Variants in KDM7A observed in about 807,000 individuals in gnomAD.
KDM7A encodes lysine demethylase 7A.
In KDM7A, 28 loss-of-function variants were observed where a neutral mutation model predicts 114.8. That is an observed-to-expected ratio of 0.24 (90% confidence interval 0.18 to 0.33). KDM7A has a LOEUF of 0.33. Ranked by LOEUF, KDM7A falls within the 10% of genes least tolerant of loss-of-function variation. The pLI is 1.00. For synonymous variants in KDM7A, 423 were observed against 397.8 expected (o/e 1.06, Z -0.75); for missense variants, 942 against 1,142.5 (o/e 0.82, Z 2.53).
intron 1 of KDM7A, among the ~76,000 whole-genome samples, chr7:140,142,079 C>CATATA (rs1794289464): frequency 6.8e-6 from 1 of 146,616 alleles, no homozygotes; most frequent in Admixed American, 6.8e-5. Context: ...ATTTATATAT[C>CATATA]TTTTTAAAGG....
In KDM7A at chr7:140,127,600, C is replaced by T; in HGVS notation, c.560-17G>A. 2 of 1,610,570 alleles carry T rather than the reference C, an allele frequency of 1.2e-6. No homozygotes were observed. Among genetic ancestry groups the T allele is most frequent in the African/African-American group, 1.3e-5 (1 of 74,922 alleles). ...TGTCACCACCTGCAGAGAAAAATTA[C>T]AGTCTTATTATTGGACTTAAGAGTT... On this transcript the variant is annotated splice_polypyrimidine_tract_variant and intron_variant, in intron 4 of 19. Transcript: ENST00000397560.
intron 1 of KDM7A, among the ~76,000 whole-genome samples, chr7:140,175,627 G>C (rs577447639): frequency 1.2e-3 from 189 of 152,348 alleles, no homozygotes; most frequent in African/African-American, 4.3e-3. Flanking sequence ...GAGTCAAGAG[G>C]CTGTGGCGCC....
chr7:140,170,244 T>C (rs1039269166), intron 1 of KDM7A, among the ~76,000 whole-genome samples: 3 of 151,096 alleles, frequency 2.0e-5, no homozygotes, highest in Non-Finnish European at 4.4e-5. Context: ...AAATATTTTA[T>C]ACATAATGTG....
intron 1 of KDM7A, among the ~76,000 whole-genome samples, chr7:140,155,696 T>C (rs2116842056): frequency 6.6e-6 from 1 of 152,222 alleles, no homozygotes; most frequent in Admixed American, 6.5e-5. Flanking sequence ...TAAAACACCA[T>C]CGATAAATGG....
Position 140,091,861 on chromosome 7 carries a change from G to A in KDM7A, c.2674C>T (p.His892Tyr). The A allele has an allele frequency of 1.2e-6, 2 of 1,613,906 alleles. No homozygotes were observed. The highest frequency in any genetic ancestry group is 3.3e-5 in the Admixed American group (2 of 60,008). Residue 892 changes from histidine to tyrosine, a missense_variant, in exon 19 of 20, where the codon CAC becomes TAC. His to Tyr is a moderately conservative substitution (Grantham distance 83). Transcript: ENST00000397560. Reference sequence around the variant, plus strand: ...TTTGATGCCGGTCTCTTGGTGGGGTGAAGGGGCACCGAGAAGGAAGTTTCA... The same window carrying A: ...TTTGATGCCGGTCTCTTGGTGGGGTAAAGGGGCACCGAGAAGGAAGTTTCA... ...VGETSFSVPLHPTKRPASNPP... is the reference protein window; with the variant it reads ...VGETSFSVPLYPTKRPASNPP...
In KDM7A at chr7:140,096,802, T is replaced by C. The variant is rs1818121182; in HGVS notation, c.2166-39A>G. On this transcript the variant is annotated intron_variant, in intron 16 of 19. Coordinates refer to ENST00000397560, the MANE Select transcript of KDM7A (RefSeq NM_030647.2). ...GATCCAAAAACACAAGAGTCTATTT[T>C]TTCTGATGACATTTTTGGTAAAATT... 5 of 1,597,534 alleles carry C rather than the reference T, an allele frequency of 3.1e-6. No individual in the cohort carries two copies. In the East Asian group the frequency reaches 8.9e-5, roughly 29 times the overall value.
intron 1 of KDM7A, among the ~76,000 whole-genome samples, chr7:140,139,547 C>T (rs1295266910): frequency 6.6e-6 from 1 of 151,594 alleles, no homozygotes; most frequent in African/African-American, 2.4e-5. Flanking sequence ...AATGATAATA[C>T]AATATGACAA....
rs1794708673 is a variant in KDM7A at position 140,176,401 on chromosome 7, C to CCCGGCCGGCGCT, written c.194+331_194+342dup. Among the ~76,000 whole-genome samples the CCCGGCCGGCGCT allele has an allele frequency of 7.0e-6, 1 of 143,332 alleles. No homozygotes were observed. Among genetic ancestry groups the CCCGGCCGGCGCT allele is most frequent in the African/African-American group, 2.5e-5 (1 of 40,020 alleles). 94.0% of individuals were successfully genotyped at this position (143,332 alleles called of 152,430 possible). A position where few individuals can be genotyped will look rare whatever the true frequency, so the allele number is the denominator to read the frequency against. On this transcript the variant is annotated intron_variant, in intron 1 of 19. Coordinates refer to ENST00000397560, the MANE Select transcript of KDM7A (RefSeq NM_030647.2). The surrounding 1 kb of genome is among the most constrained non-coding windows in gnomAD (Gnocchi z 4.4). ...GCCCGGGCTGGCGAGGGGCTGCGGA[C>CCCGGCCGGCGCT]CCGGCCGGCGCTCCGCCCGACGCCC...
chr7:140,157,706 G>GT (rs1794473080), intron 1 of KDM7A, among the ~76,000 whole-genome samples: 1 of 151,782 alleles, frequency 6.6e-6, no homozygotes, highest in Non-Finnish European at 1.5e-5. Context: ...GCTCATGCCT[G>GT]TAATCCCAGC....
rs888105703 is a variant in KDM7A at position 140,176,267 on chromosome 7, C to A, written c.194+477G>T. On this transcript the variant is annotated intron_variant, in intron 1 of 19. Transcript: ENST00000397560. The surrounding 1 kb of genome is among the most constrained non-coding windows in gnomAD (Gnocchi z 4.4). Reference sequence around the variant, plus strand: ...AGACGCGGGGCCGGGGCGACCCCATCGCCGCCCGGAAGGAAGGCAGGCGCG... The same window carrying A: ...AGACGCGGGGCCGGGGCGACCCCATAGCCGCCCGGAAGGAAGGCAGGCGCG... 6.6e-6 allele frequency among the ~76,000 whole-genome samples: 1 copy of A among 150,692 alleles called. No individual in the cohort carries two copies. The highest frequency in any genetic ancestry group is 2.4e-5 in the African/African-American group (1 of 41,202).
At chr7:140,106,851 C>T (rs1818345581) in intron 11 of KDM7A, among the ~76,000 whole-genome samples, 1 of 152,138 alleles carries the variant, frequency 6.6e-6, no homozygotes, top group African/African-American at 2.4e-5. Flanking sequence ...TGTTAACTTT[C>T]TGTCTCGTTG....
At chr7:140,169,756 C>T (rs558118225) in intron 1 of KDM7A, among the ~76,000 whole-genome samples, 1 of 152,182 alleles carries the variant, frequency 6.6e-6, no homozygotes, top group East Asian at 1.9e-4. Flanking sequence ...GAACTTCTGA[C>T]CTTGTGATCC....
chr7:140,100,029 G>A lies in KDM7A; in HGVS notation c.1639-6C>T, dbSNP rs528667840. ...AGTTTAGAGCTCAAGATGTCCTGAAGGTATAAATGCAGAACTTACTTACCA... is the reference window on the plus strand; with the variant it reads ...AGTTTAGAGCTCAAGATGTCCTGAAAGTATAAATGCAGAACTTACTTACCA... On this transcript the variant is annotated splice_polypyrimidine_tract_variant and splice_region_variant and intron_variant, in intron 12 of 19. Transcript: ENST00000397560. 8.4e-5 allele frequency: 136 copies of A among 1,613,982 alleles called. No individual in the cohort carries two copies. The South Asian group carries it at 1.4e-3, about 17-fold the overall frequency.
At chr7:140,173,898 T>A (rs1299896193) in intron 1 of KDM7A, among the ~76,000 whole-genome samples, 1 of 152,168 alleles carries the variant, frequency 6.6e-6, no homozygotes, top group African/African-American at 2.4e-5. Context: ...GCAGGGTGGC[T>A]CACACCTGTA....
chr7:140,152,394 G>A (rs1029637862), intron 1 of KDM7A, among the ~76,000 whole-genome samples: 4 of 152,176 alleles, frequency 2.6e-5, no homozygotes, highest in African/African-American at 9.7e-5. Flanking sequence ...GGAGGCCAAG[G>A]AGGATGGATT....
At position 140,085,227 on chromosome 7, in the gene KDM7A, C is replaced by T. The variant is rs1016495375; in HGVS notation, c.*5867G>A. On this transcript the variant is annotated 3_prime_UTR_variant, in exon 20 of 20. Coordinates refer to ENST00000397560, the MANE Select transcript of KDM7A (RefSeq NM_030647.2). ...GACGCTATTCCGCAGACACCCCCAA[C>T]AAGAAGAACAGTCCCCTCGGACCGT... 3.3e-5 allele frequency: 5 copies of T among 152,048 alleles called. No homozygotes were observed. The highest frequency in any genetic ancestry group is 7.4e-5 in the Non-Finnish European group (5 of 68,008). The allele number at this position is 152,048 out of a possible 1,614,324, so 9.4% of individuals were successfully genotyped here.
intron 3 of KDM7A, among the ~76,000 whole-genome samples, chr7:140,131,353 C>T (rs1290472207): frequency 1.3e-5 from 2 of 152,188 alleles, no homozygotes; most frequent in East Asian, 1.9e-4. Context: ...AGCTGCTACA[C>T]ATTCAAAATT....
In KDM7A at chr7:140,087,573, G is replaced by A. The variant is rs1449771112; in HGVS notation, c.*3521C>T. Reference sequence around the variant, plus strand: ...GATAAGTTCTCTGTATGTATGAAGTGTTAAGAGATTTTCTTAATTGATTAT... The same window carrying A: ...GATAAGTTCTCTGTATGTATGAAGTATTAAGAGATTTTCTTAATTGATTAT... On this transcript the variant is annotated 3_prime_UTR_variant, in exon 20 of 20. Transcript: ENST00000397560. The A allele has an allele frequency of 6.6e-6, 1 of 152,194 alleles. No individual in the cohort carries two copies. Among genetic ancestry groups the A allele is most frequent in the Non-Finnish European group, 1.5e-5 (1 of 68,034 alleles). The allele number at this position is 152,194 out of a possible 1,614,324, so 9.4% of individuals were successfully genotyped here. A position where few individuals can be genotyped will look rare whatever the true frequency, so the allele number is the denominator to read the frequency against.
At chr7:140,175,006 G>C (rs544451675) in intron 1 of KDM7A, among the ~76,000 whole-genome samples, 1 of 152,144 alleles carries the variant, frequency 6.6e-6, no homozygotes, top group African/African-American at 2.4e-5. Context: ...CAGGGATTCT[G>C]ATTTTATTCT....
Sources: gnomAD v4.1 joint callset for allele counts (sites outside exome capture counted in the v4.1 genomes callset) on GRCh38, gnomAD v4.1.1 for gene constraint, Gnocchi (gnomAD v3.1) non-coding constraint, MANE v1.5 for transcripts, NCBI Gene and HGNC (gene_info 2026-07-23, HGNC 2026-07-21) for gene names.